AKAP9: variants seen among roughly 807,000 people sequenced by gnomAD.
AKAP9 encodes A-kinase anchor protein 9.
A neutral mutation model predicts 488.5 loss-of-function variants in AKAP9; 311 were observed. The ratio of observed to expected loss-of-function variants is 0.64; its 90% CI spans 0.58 to 0.70. The LOEUF (loss-of-function observed/expected upper bound fraction) is 0.70, where lower values mean the gene tolerates loss of function less well. AKAP9 is among the 30% of genes least tolerant of loss of function. AKAP9 has a pLI of 0.00. For synonymous variants in AKAP9, 1,462 were observed against 1,483.5 expected (o/e 0.99, Z 0.33); for missense variants, 4,215 against 4,374.5 (o/e 0.96, Z 1.03).
In AKAP9 at chr7:92,085,657, A is replaced by T. The variant is rs886062478; in HGVS notation, c.8995A>T (p.Thr2999Ser). 2 of 1,613,460 alleles carry T rather than the reference A, an allele frequency of 1.2e-6. No individual in the cohort carries two copies. Among genetic ancestry groups the T allele is most frequent in the East Asian group, 4.5e-5 (2 of 44,864 alleles). The part of the protein sequence containing the change: ...NTISSLKDLI[T>S]KMQLQREAEV... The stretch of plus-strand genomic sequence containing the variant: ...AATCTCATCTCTAAAGGATTTAATT[A>T]CAAAGATGCAACTGCAAAGAGAAGC... Residue 2999 changes from threonine (T) to serine (S), a missense_variant, in exon 36 of 50, where the codon ACA (threonine) becomes TCA (serine). Thr to Ser is a moderately conservative substitution (Grantham distance 58, BLOSUM62 1). Around this residue, in one of 5 missense-constraint regions of AKAP9, gnomAD observed 1,476 missense variants for 1,477.4 expected, o/e 1.00. Transcript: ENST00000356239.
At chr7:92,070,258 CTTAAA>C in intron 27 of AKAP9, 52 bp downstream of exon 27, 1 of 1,554,318 alleles carries the variant, frequency 6.4e-7, no homozygotes, top group Non-Finnish European at 8.9e-7. Context: ...GAAGAATACT[CTTAAA>C]TTGTCAACTT....
At chr7:91,958,632 A>C (rs1793343062) in intron 1 of AKAP9, among the ~76,000 whole-genome samples, 1 of 152,162 alleles carries the variant, frequency 6.6e-6, no homozygotes, top group African/African-American at 2.4e-5. Context: ...TAATTTTATT[A>C]GTAAATATAC....
Position 92,062,337 on chromosome 7 carries a change from A to T in AKAP9, c.5828A>T (p.Asp1943Val). 1 of 1,613,902 alleles carries T rather than the reference A, an allele frequency of 6.2e-7. No individual in the cohort carries two copies. Among genetic ancestry groups the T allele is most frequent in the Non-Finnish European group, 8.5e-7 (1 of 1,179,822 alleles). The change falls in exon 24 of 50, where the codon GAT becomes GTT. Residue 1943 changes from aspartate (D) to valine (V), a missense_variant. Transcript: ENST00000356239. ...LFERQIQEKT[D>V]IIDRLEQELL... ...GAAAGGCAAATTCAGGAAAAAACTG[A>T]TATAATAGATCGTCTTGAGCAGGAG...
intron 1 of AKAP9, among the ~76,000 whole-genome samples, chr7:91,946,381 T>A (rs1263648917): frequency 2.8e-5 from 4 of 142,286 alleles, no homozygotes; most frequent in Non-Finnish European, 6.0e-5. Context: ...TAAAACTAAT[T>A]CATAACCTTC....
chr7:91,994,855 A>T, intron 6 of AKAP9, 79 bp downstream of exon 6: 1 of 1,391,620 alleles, frequency 7.2e-7, no homozygotes, highest in Non-Finnish European at 1.0e-6. Context: ...AACAAATCTA[A>T]ATTTGTTAAA....
At chr7:91,957,747 C>T (rs942483645) in intron 1 of AKAP9, among the ~76,000 whole-genome samples, 1 of 152,158 alleles carries the variant, frequency 6.6e-6, no homozygotes, top group African/African-American at 2.4e-5. Flanking sequence ...GATGAAAGTT[C>T]ATTTCAGCAG....
intron 8 of AKAP9, among the ~76,000 whole-genome samples, chr7:92,006,553 T>C (rs1799890321): frequency 6.6e-6 from 1 of 152,198 alleles, no homozygotes; most frequent in Admixed American, 6.5e-5. Context: ...GCCTGTAAAC[T>C]TCCTGCCCGT....
intron 44 of AKAP9, among the ~76,000 whole-genome samples, chr7:92,100,437 G>A (rs547033869): frequency 6.6e-6 from 1 of 152,210 alleles, no homozygotes; most frequent in Non-Finnish European, 1.5e-5. Flanking sequence ...AGACAACTGT[G>A]TGGTTAAATA....
At chr7:91,972,209 C>T (rs1795193731) in intron 1 of AKAP9, among the ~76,000 whole-genome samples, 2 of 152,118 alleles carry the variant, frequency 1.3e-5, no homozygotes, top group Non-Finnish European at 2.9e-5. Flanking sequence ...AACAGCCAGT[C>T]TGATTTGGCG....
chr7:92,079,077 A>G lies in AKAP9; in HGVS notation c.6946-2A>G. On this transcript the variant is annotated splice_acceptor_variant, in intron 30 of 49. Transcript: ENST00000356239. LOFTEE classifies it high-confidence loss of function. Reference sequence around the variant, plus strand: ...TATGTTACCTTTTTCATTAATTATTAGGTTATTGAAGAAAAAAATGAACTG... The same window carrying G: ...TATGTTACCTTTTTCATTAATTATTGGGTTATTGAAGAAAAAAATGAACTG... 1 of 1,575,898 alleles carries G rather than the reference A, an allele frequency of 6.3e-7. No individual in the cohort carries two copies.
At position 92,001,100 on chromosome 7, in the gene AKAP9, A is replaced by G. The variant is rs886062467; in HGVS notation, c.1183A>G (p.Lys395Glu). Residue 395 changes from lysine to glutamate, a missense_variant, in exon 8 of 50, where the codon AAA (lysine) becomes GAA (glutamate). Physicochemically the swap from Lys to Glu is moderately conservative, Grantham distance 56. Around this residue, in one of 5 missense-constraint regions of AKAP9, gnomAD observed 2,361 missense variants for 2,430.0 expected, o/e 0.97. Coordinates refer to ENST00000356239, the MANE Select transcript of AKAP9 (RefSeq NM_005751.5). ...QKERQSSEEI[K>E]QLMGTVEELQ... ...AGAAAGACAGTCTTCTGAAGAAATA[A>G]AACAGTTAATGGGGACAGTCGAAGA... is the stretch of plus-strand genomic sequence containing the variant. 8.7e-6 allele frequency: 14 copies of G among 1,613,852 alleles called. No homozygotes were observed. The highest frequency in any genetic ancestry group is 1.3e-5 in the African/African-American group (1 of 74,936).
In AKAP9 at chr7:92,080,002, T is replaced by A. The variant is rs768914954; in HGVS notation, c.7869T>A (p.Ile2623=). 3 of 1,564,806 alleles carry A rather than the reference T, an allele frequency of 1.9e-6. No individual in the cohort carries two copies. The Admixed American group carries it at 6.5e-5, about 34-fold the overall frequency. The change falls in exon 31 of 50, where the codon ATT becomes ATA. Residue 2623 remains isoleucine (I), a synonymous_variant. Coordinates refer to ENST00000356239, the MANE Select transcript of AKAP9 (RefSeq NM_005751.5). ...TTGTTGAAATGCATACTAGTTTGATTTTAGAAAAAGAACAAGTAGAAATTG... is the reference window on the plus strand; with the variant it reads ...TTGTTGAAATGCATACTAGTTTGATATTAGAAAAAGAACAAGTAGAAATTG... The part of the protein sequence containing the change: ...SQVVEMHTSL[I]LEKEQVEIAE...
Position 92,097,755 on chromosome 7 carries a change from C to T in AKAP9, c.10568C>T (p.Ala3523Val), listed in dbSNP as rs769833170. 6.8e-6 allele frequency: 11 copies of T among 1,614,188 alleles called. No individual in the cohort carries two copies. In the South Asian group the frequency reaches 1.1e-4, roughly 16 times the overall value. Reference protein sequence around the residue: ...EMIRQKLQCVASKLQVLPQKA... With the variant: ...EMIRQKLQCVVSKLQVLPQKA... ...ATCAGACAAAAGCTTCAATGTGTAG[C>T]TTCAAAACTACAGGTTCTACCCCAG... The change falls in exon 42 of 50, where the codon GCT becomes GTT. Residue 3523 changes from alanine (A) to valine (V), a missense_variant. Physicochemically the swap from Ala to Val is moderately conservative, Grantham distance 64 (BLOSUM62 0). Around this residue, in one of 5 missense-constraint regions of AKAP9, gnomAD observed 1,476 missense variants for 1,477.4 expected, o/e 1.00. Coordinates refer to ENST00000356239, the MANE Select transcript of AKAP9 (RefSeq NM_005751.5).
At position 91,995,718 on chromosome 7, in the gene AKAP9, T is replaced by A; in HGVS notation, c.848T>A (p.Leu283Ter). 6.2e-7 allele frequency: 1 copy of A among 1,613,810 alleles called. No individual in the cohort carries two copies. Among genetic ancestry groups the A allele is most frequent in the Non-Finnish European group, 8.5e-7 (1 of 1,179,712 alleles). The change falls in exon 7 of 50, where the codon TTA (leucine) becomes TAA (stop). Residue 283 changes from leucine to a stop codon, truncating the protein, a stop_gained. Transcript: ENST00000356239. LOFTEE classifies it high-confidence loss of function. ...CAGCAGCTTGAAGAACAAGACCACT[T>A]ATTAGAAGATTATCAGAAAAAGAAA... Reference protein sequence around the residue: ...HQQQLEEQDHLLEDYQKKKED... With the variant: ...HQQQLEEQDH
intron 9 of AKAP9, among the ~76,000 whole-genome samples, chr7:92,013,886 AAAAC>A (rs1024213957): frequency 1.4e-3 from 213 of 152,014 alleles, no homozygotes; most frequent in African/African-American, 5.0e-3. Flanking sequence ...TTTAAAAAAA[AAAAC>A]AAAGTAGAAC....
rs772229774 is a variant in AKAP9, at chr7:92,038,706, G to C, written c.4626G>C (p.Lys1542Asn). 2.5e-6 allele frequency: 4 copies of C among 1,606,706 alleles called. No individual in the cohort carries two copies. Among genetic ancestry groups the C allele is most frequent in the Non-Finnish European group, 3.4e-6 (4 of 1,177,606 alleles). ...NSDPHDIPES[K>N]DCVLTISEEM... ...ATCCCCATGATATACCAGAATCAAA[G>C]GACTGTGTGCTGACTATTTCAGAAG... The change falls in exon 17 of 50, where the codon AAG becomes AAC. Residue 1542 changes from lysine to asparagine, a missense_variant. This residue lies in a region of AKAP9 where 2,361 missense variants were observed against 2,430.0 expected (regional missense o/e 0.97). Coordinates refer to ENST00000356239, the MANE Select transcript of AKAP9 (RefSeq NM_005751.5).
In AKAP9 at chr7:92,102,664, T is replaced by TG; in HGVS notation, c.11169dup (p.Leu3724AlafsTer10). 6.2e-7 allele frequency: 1 copy of TG among 1,614,236 alleles called. No homozygotes were observed. The highest frequency in any genetic ancestry group is 1.1e-5 in the South Asian group (1 of 91,082). On this transcript the variant is annotated frameshift_variant, in exon 46 of 50. Transcript: ENST00000356239. LOFTEE classifies it high-confidence loss of function. The stretch of plus-strand genomic sequence containing the variant: ...CTCATTTACCAGAAGAAATACCTGC[T>TG]GCTGTTACTGGGTGGGTTCCAGGAA...
rs1284209982 is a variant in AKAP9, at chr7:92,014,313, T to C, written c.3597T>C (p.Cys1199=). The change falls in exon 10 of 50, where the codon TGT becomes TGC. Residue 1199 remains cysteine, a synonymous_variant. Coordinates refer to ENST00000356239, the MANE Select transcript of AKAP9 (RefSeq NM_005751.5). ...TTCAAAAGGCAGTGTCTGAAGAATG[T>C]TCTTATTTTTTACAGGTAAAATGTT... ...GKLQKAVSEE[C]SYFLQTLCSV... 1 of 1,611,820 alleles carries C rather than the reference T, an allele frequency of 6.2e-7. No individual in the cohort carries two copies. Among genetic ancestry groups the C allele is most frequent in the South Asian group, 1.1e-5 (1 of 90,914 alleles).
chr7:92,043,264 C>T (rs1159451834), intron 20 of AKAP9: 8 of 932,426 alleles, frequency 8.6e-6, no homozygotes, highest in Non-Finnish European at 1.0e-5. Flanking sequence ...CTTGTGTCCT[C>T]CTAACCTCCT....
Sources: gnomAD v4.1 joint callset for allele counts (sites outside exome capture counted in the v4.1 genomes callset) on GRCh38, gnomAD v4.1.1 for gene constraint, gnomAD v4.1.1 regional missense constraint, MANE v1.5 for transcripts, NCBI Gene and HGNC (gene_info 2026-07-23, HGNC 2026-07-21) for gene names.